Variants in ZNF506 observed in about 807,000 individuals in gnomAD.
ZNF506 encodes the protein zinc finger protein 506.
In ZNF506, 10 loss-of-function variants were observed where a neutral mutation model predicts 11.6. That is an observed-to-expected ratio of 0.86 (90% CI 0.53 to 1.46). The LOEUF is 1.46. ZNF506 is among the 40% of genes most tolerant of loss of function. ZNF506 has a pLI of 0.00. For synonymous variants in ZNF506, 156 were observed against 173.3 expected (o/e 0.90, Z 0.78); for missense variants, 425 against 521.2 (o/e 0.82, Z 1.80).
In ZNF506 at chr19:19,795,103, A is replaced by G. The variant is rs748183972; in HGVS notation, c.784T>C (p.Cys262Arg). ...TGEKPYRCRE[C>R]GKAFNHPATL... ...GCAGGGTGGTTAAAAGCTTTGCCAC[A>G]TTCTCTACATCTGTAGGGTTTCTCT... The change falls in exon 4 of 4, where the codon TGT becomes CGT. Residue 262 changes from cysteine to arginine, a missense_variant. Around this residue, in one of 3 missense-constraint regions of ZNF506, gnomAD observed 192 missense variants for 215.7 expected, o/e 0.89. Coordinates refer to ENST00000540806, the MANE Select transcript of ZNF506 (RefSeq NM_001099269.3). 3 of 1,613,660 alleles carry G rather than the reference A, an allele frequency of 1.9e-6. No individual in the cohort carries two copies. Among genetic ancestry groups the G allele is most frequent in the East Asian group, 4.5e-5 (2 of 44,868 alleles).
At chr19:19,815,936 G>C (rs1436289489) in intron 1 of ZNF506, among the ~76,000 whole-genome samples, 1 of 152,174 alleles carries the variant, frequency 6.6e-6, no homozygotes, top group Admixed American at 6.5e-5. Context: ...ACAAAGAAAA[G>C]AGATGGGGAA....
At chr19:19,799,537 A>G in intron 3 of ZNF506, 1 of 583,054 alleles carries the variant, frequency 1.7e-6, no homozygotes, top group Middle Eastern at 2.7e-4. Flanking sequence ...GAATTAGAGT[A>G]TAAGACAATA....
chr19:19,798,258 G>A, intron 3 of ZNF506: 1 of 152,034 alleles, frequency 6.6e-6, no homozygotes, highest in Admixed American at 6.6e-5. Context: ...GTAATAATGA[G>A]GAATTTCTGT....
rs757160026 is a variant in ZNF506, at chr19:19,808,108, CTTTTTTTTTTTT to C, written c.4-1052_4-1041del. ...ACTTAACCAAGTGAATCATTAACCA[CTTTTTTTTTTTT>C]TTTTTTTTTTTTTTTTTTTTTGAGA... is the stretch of plus-strand genomic sequence containing the variant. On this transcript the variant is annotated intron_variant, in intron 1 of 3. Coordinates refer to ENST00000540806, the MANE Select transcript of ZNF506 (RefSeq NM_001099269.3). Among the ~76,000 whole-genome samples, 165 of 56,764 alleles carry C rather than the reference CTTTTTTTTTTTT, an allele frequency of 2.9e-3. 1 individual carries two copies. The highest frequency in any genetic ancestry group is 0.026 in the Middle Eastern group (1 of 38). 37.2% of individuals were successfully genotyped at this position (56,764 alleles called of 152,430 possible). A position where few individuals can be genotyped will look rare whatever the true frequency, so the allele number is the denominator to read the frequency against.
intron 3 of ZNF506, among the ~76,000 whole-genome samples, chr19:19,802,347 C>T (rs377356339): frequency 6.6e-6 from 1 of 151,948 alleles, no homozygotes; most frequent in East Asian, 1.9e-4. Context: ...TAATTATACA[C>T]AGAAGATTCT....
At position 19,794,910 on chromosome 19, in the gene ZNF506, G is replaced by A. The variant is rs764701535; in HGVS notation, c.977C>T (p.Ser326Leu). 1.9e-6 allele frequency: 3 copies of A among 1,613,854 alleles called. No individual in the cohort carries two copies. Among genetic ancestry groups the A allele is most frequent in the African/African-American group, 1.3e-5 (1 of 74,912 alleles). The change falls in exon 4 of 4, where the codon TCA becomes TTA. Residue 326 changes from serine (S) to leucine (L), a missense_variant. This residue lies in a region of ZNF506 where 192 missense variants were observed against 215.7 expected (regional missense o/e 0.89). Coordinates refer to ENST00000540806, the MANE Select transcript of ZNF506 (RefSeq NM_001099269.3). ...AATTCTCTTATGTTTAGTAAGGTTT[G>A]AGGAACGGTTAAAAGCTTTGCCACA... ...EECGKAFNRS[S>L]NLTKHKRIHT... is the part of the protein sequence containing the mutation.
At chr19:19,801,160 T>A (rs1032999763) in intron 3 of ZNF506, among the ~76,000 whole-genome samples, 2 of 149,948 alleles carry the variant, frequency 1.3e-5, no homozygotes, top group African/African-American at 2.5e-5. Flanking sequence ...AACTCCCTTT[T>A]AAAAAAAATA....
chr19:19,798,056 A>C (rs1459976901), intron 3 of ZNF506: 1 of 152,172 alleles, frequency 6.6e-6, no homozygotes, highest in African/African-American at 2.4e-5. Context: ...TCATCTGAAG[A>C]TATGTAAGTT....
chr19:19,794,314 A>AT lies in ZNF506; in HGVS notation c.*237_*238insA. Reference sequence around the variant, plus strand: ...GACAAGAGTGAAACTCCATCTCAAAAAACAAAAAGAGTTGACAGGTTGTTA... The same window carrying AT: ...GACAAGAGTGAAACTCCATCTCAAAATAACAAAAAGAGTTGACAGGTTGTTA... On this transcript the variant is annotated 3_prime_UTR_variant, in exon 4 of 4. Transcript: ENST00000540806. 3 of 367,586 alleles carry AT rather than the reference A, an allele frequency of 8.2e-6. No homozygotes were observed. Among genetic ancestry groups the AT allele is most frequent in the Non-Finnish European group, 1.4e-5 (3 of 207,342 alleles). The allele number at this position is 367,586 out of a possible 1,614,324, so 22.8% of individuals were successfully genotyped here. A position where few individuals can be genotyped will look rare whatever the true frequency, so the allele number is the denominator to read the frequency against.
intron 3 of ZNF506, among the ~76,000 whole-genome samples, chr19:19,802,157 A>G (rs2062799630): frequency 6.7e-6 from 1 of 150,356 alleles, no homozygotes; most frequent in Admixed American, 6.7e-5. Flanking sequence ...GTGAGCCAAG[A>G]TCGCACCACT....
At chr19:19,808,843 C>CAAA (rs35282430) in intron 1 of ZNF506, among the ~76,000 whole-genome samples, 3,393 of 82,526 alleles carry the variant, frequency 0.041, 181 homozygotes, top group African/African-American at 0.093. Context: ...GACTCTGTCT[C>CAAA]AAAAAAAAAA....
Position 19,821,635 on chromosome 19 carries a change from G to C in ZNF506, c.-32C>G, listed in dbSNP as rs1339270301. The C allele has an allele frequency of 6.2e-7, 1 of 1,613,886 alleles. No homozygotes were observed. ...GCTTCCAGGGGGTCCCGGCGTCCTA[G>C]CTGTGACCCTCCTAATACCTGCAGG... On this transcript the variant is annotated 5_prime_UTR_variant, in exon 1 of 4. Coordinates refer to ENST00000540806, the MANE Select transcript of ZNF506 (RefSeq NM_001099269.3).
At chr19:19,816,410 T>A (rs2062931836) in intron 1 of ZNF506, among the ~76,000 whole-genome samples, 1 of 152,140 alleles carries the variant, frequency 6.6e-6, no homozygotes, top group African/African-American at 2.4e-5. Context: ...CAGGCTGAAG[T>A]GCAGTGGTGC....
chr19:19,806,996 G>T lies in ZNF506; in HGVS notation c.76C>A (p.Arg26=). Residue 26 remains arginine (R), a synonymous_variant, in exon 2 of 4, where the codon CGG becomes AGG. Transcript: ENST00000540806. ...AACATCACATCCCTATATAGATTCCGCTGTGCAGCGTCCAGGCAATGCCAC... is the reference window on the plus strand; with the variant it reads ...AACATCACATCCCTATATAGATTCCTCTGTGCAGCGTCCAGGCAATGCCAC... The part of the protein sequence containing the change: ...EEWHCLDAAQ[R]NLYRDVMLEN... The T allele has an allele frequency of 6.2e-7, 1 of 1,613,824 alleles. No individual in the cohort carries two copies. Among genetic ancestry groups the T allele is most frequent in the Non-Finnish European group, 8.5e-7 (1 of 1,179,900 alleles).
chr19:19,817,956 T>C (rs150978963), intron 1 of ZNF506, among the ~76,000 whole-genome samples: 16 of 151,724 alleles, frequency 1.1e-4, no homozygotes, highest in African/African-American at 3.6e-4. Flanking sequence ...GCCTCCCAAG[T>C]AGCTGGGACT....
intron 1 of ZNF506, among the ~76,000 whole-genome samples, chr19:19,809,657 T>C (rs540944859): frequency 5.6e-4 from 86 of 152,276 alleles, no homozygotes; most frequent in South Asian, 2.9e-3. Flanking sequence ...TCAGGAACAA[T>C]GAGCTGCTCC....
At chr19:19,801,567 G>C (rs926334240) in intron 3 of ZNF506, among the ~76,000 whole-genome samples, 5 of 151,668 alleles carry the variant, frequency 3.3e-5, no homozygotes, top group African/African-American at 1.2e-4. Context: ...CAGGAGGGTA[G>C]ATCACCTGAG....
At position 19,795,237 on chromosome 19, in the gene ZNF506, G is replaced by GT. The variant is rs751102148; in HGVS notation, c.649dup (p.Thr217AsnfsTer4). Reference sequence around the variant, plus strand: ...TCCAGTATGAATTTTCTTATGTGTAGTAAGGTGTGAGGACTGCTTATAGGC... The same window carrying GT: ...TCCAGTATGAATTTTCTTATGTGTAGTTAAGGTGTGAGGACTGCTTATAGGC... On this transcript the variant is annotated frameshift_variant, in exon 4 of 4. Transcript: ENST00000540806. LOFTEE classifies it low-confidence loss of function (END_TRUNC). 6 of 1,613,968 alleles carry GT rather than the reference G, an allele frequency of 3.7e-6. No individual in the cohort carries two copies. In the South Asian group the frequency reaches 5.5e-5, roughly 15 times the overall value.
Position 19,807,469 on chromosome 19 carries a change from GT to G in ZNF506, c.4-402del, listed in dbSNP as rs552773353. On this transcript the variant is annotated intron_variant, in intron 1 of 3. Coordinates refer to ENST00000540806, the MANE Select transcript of ZNF506 (RefSeq NM_001099269.3). Reference sequence around the variant, plus strand: ...ATAAGCTGACGACCTTGTTATGCAGGTTTTTTTTTCCAGAAGATCTGAAATA... The same window carrying G: ...ATAAGCTGACGACCTTGTTATGCAGGTTTTTTTTCCAGAAGATCTGAAATA... 1.9e-4 allele frequency among the ~76,000 whole-genome samples: 29 copies of G among 151,242 alleles called. No individual in the cohort carries two copies. The South Asian group carries it at 3.6e-3, about 19-fold the overall frequency.
Sources: gnomAD v4.1 joint callset for allele counts (sites outside exome capture counted in the v4.1 genomes callset) on GRCh38, gnomAD v4.1.1 for gene constraint, gnomAD v4.1.1 regional missense constraint, MANE v1.5 for transcripts, NCBI Gene and HGNC (gene_info 2026-07-23, HGNC 2026-07-21) for gene names.